ELOVL6: variants seen among roughly 807,000 people sequenced by gnomAD.
ELOVL6 encodes the protein ELOVL fatty acid elongase 6.
ELOVL6 carries 8 observed loss-of-function variants against 31.7 expected under a neutral mutation model. The observed-to-expected ratio is 0.25, with a 90% CI of 0.15 to 0.45. The LOEUF (loss-of-function observed/expected upper bound fraction) is 0.45. Among genes scored for constraint, ELOVL6 ranks in the 20% least tolerant of loss-of-function variants. ELOVL6 has a pLI of 1.00. For synonymous variants in ELOVL6, 101 were observed against 117.7 expected, an observed-to-expected ratio of 0.86 and a Z score of 0.92; for missense variants, 126 against 326.4, an observed-to-expected ratio of 0.39 and a Z score of 4.73.
chr4:110,197,606 C>T (rs1759847105), intron 1 of ELOVL6, among the ~76,000 whole-genome samples: 1 of 152,130 alleles, frequency 6.6e-6, no homozygotes, highest in Admixed American at 6.5e-5. Flanking sequence ...TTGTCCCCTC[C>T]TCCCTCCCAC....
At position 110,193,518 on chromosome 4, in the gene ELOVL6, T is replaced by A. The variant is rs537875823; in HGVS notation, c.89+4729A>T. Among the ~76,000 whole-genome samples, 9 of 152,132 alleles carry A rather than the reference T, an allele frequency of 5.9e-5. No individual in the cohort carries two copies. In the South Asian group the frequency reaches 1.9e-3, roughly 32 times the overall value. ...TGCTTGGGAGGTTGAGACATAAGAA[T>A]CACTGGAACCCGGAGGCAGAGGTTG... On this transcript the variant is annotated intron_variant, in intron 1 of 3. Transcript: ENST00000302274.
rs1754829336 is a variant in ELOVL6 at position 110,051,251 on chromosome 4, C to T, written c.*87G>A. ...CTCATGTTTTGTTTTGTTTTAGCTG[C>T]ACCACGTGTGATTCCTTGTGCCATT... On this transcript the variant is annotated 3_prime_UTR_variant, in exon 4 of 4. Coordinates refer to ENST00000302274, the MANE Select transcript of ELOVL6 (RefSeq NM_024090.3). This position sits in a 1 kb window ranked among gnomAD's most constrained non-coding sequence, Gnocchi z 4.8. 2 of 1,378,252 alleles carry T rather than the reference C, an allele frequency of 1.5e-6. No homozygotes were observed. The highest frequency in any genetic ancestry group is 2.7e-5 in the South Asian group (2 of 73,126). 85.4% of individuals were successfully genotyped at this position (1,378,252 alleles called of 1,614,324 possible).
intron 1 of ELOVL6, among the ~76,000 whole-genome samples, chr4:110,176,456 A>G (rs970716422): frequency 2.0e-5 from 3 of 152,002 alleles, no homozygotes; most frequent in Non-Finnish European, 4.4e-5. Flanking sequence ...CACTGCGCCT[A>G]GCCTCAAAGT....
intron 1 of ELOVL6, among the ~76,000 whole-genome samples, chr4:110,120,353 T>TA (rs34176994): frequency 0.65 from 93,712 of 144,626 alleles, 29,824 homozygotes; most frequent in East Asian, 0.76. Flanking sequence ...AATAAAAAAG[T>TA]AAAAAAAAAA....
intron 1 of ELOVL6, among the ~76,000 whole-genome samples, chr4:110,165,706 A>T (rs1218275500): frequency 6.6e-6 from 1 of 152,208 alleles, no homozygotes. Context: ...AGCTTCCTCA[A>T]CTATAAAATA....
intron 1 of ELOVL6, among the ~76,000 whole-genome samples, chr4:110,164,597 C>T (rs182619103): frequency 6.4e-4 from 97 of 151,654 alleles, no homozygotes; most frequent in African/African-American, 2.3e-3. Flanking sequence ...AAAATTAGCC[C>T]GGTGTGGTGG....
intron 2 of ELOVL6, among the ~76,000 whole-genome samples, chr4:110,078,592 C>T (rs1050241787): frequency 1.1e-4 from 16 of 152,234 alleles, no homozygotes; most frequent in African/African-American, 3.9e-4. Context: ...GAAGGAAGCA[C>T]TAAACATGGA....
rs189040182 is a variant in ELOVL6, at chr4:110,127,473, C to T, written c.90-21845G>A. On this transcript the variant is annotated intron_variant, in intron 1 of 3. Transcript: ENST00000302274. ...TCACTAAGCTCCTAAAGCTTCTCCT[C>T]TATGGGAGAGCCTAAGAAAAACATT... 6.0e-5 allele frequency among the ~76,000 whole-genome samples: 9 copies of T among 150,540 alleles called. No individual in the cohort carries two copies. In the East Asian group the frequency reaches 1.8e-3, roughly 30 times the overall value.
At chr4:110,168,940 T>A (rs937232157) in intron 1 of ELOVL6, among the ~76,000 whole-genome samples, 2 of 151,726 alleles carry the variant, frequency 1.3e-5, no homozygotes, top group Admixed American at 6.6e-5. Context: ...AATATCCTTA[T>A]TAAACGTCCA....
At chr4:110,181,186 C>T (rs531710759) in intron 1 of ELOVL6, among the ~76,000 whole-genome samples, 187 of 152,156 alleles carry the variant, frequency 1.2e-3, no homozygotes, top group African/African-American at 4.0e-3. Context: ...GTGGCTCACG[C>T]CTGTAATCCC....
At chr4:110,175,301 T>C (rs1759070320) in intron 1 of ELOVL6, among the ~76,000 whole-genome samples, 1 of 151,992 alleles carries the variant, frequency 6.6e-6, no homozygotes, top group African/African-American at 2.4e-5. Flanking sequence ...GAAAATCGCT[T>C]GACCCCAGAG....
chr4:110,051,582 G>A lies in ELOVL6; in HGVS notation c.554C>T (p.Ala185Val), dbSNP rs2126218717. 6.2e-7 allele frequency: 1 copy of A among 1,614,172 alleles called. No individual in the cohort carries two copies. The highest frequency in any genetic ancestry group is 8.5e-7 in the Non-Finnish European group (1 of 1,180,022). ...AVMYSYYALR[A>V]AGFRVSRKFA... ...CTTCCGGGAGACTCGGAAACCTGCC[G>A]CCCGCAAGGCATAGTAAGAGTACAT... is the stretch of plus-strand genomic sequence containing the variant. Residue 185 changes from alanine to valine, a missense_variant, in exon 4 of 4, where the codon GCG becomes GTG. Coordinates refer to ENST00000302274, the MANE Select transcript of ELOVL6 (RefSeq NM_024090.3). This position sits in a 1 kb window ranked among gnomAD's most constrained non-coding sequence, Gnocchi z 4.8.
At chr4:110,139,826 A>C (rs971195702) in intron 1 of ELOVL6, among the ~76,000 whole-genome samples, 2 of 152,104 alleles carry the variant, frequency 1.3e-5, no homozygotes, top group Non-Finnish European at 2.9e-5. Context: ...AGAATCTCAA[A>C]TTTTCCCACT....
chr4:110,165,889 A>C (rs1174310145), intron 1 of ELOVL6, among the ~76,000 whole-genome samples: 3 of 152,184 alleles, frequency 2.0e-5, no homozygotes, highest in Admixed American at 1.3e-4. Flanking sequence ...AGAGTTTAGC[A>C]CATCTGGGAA....
At chr4:110,185,374 C>T (rs1256695329) in intron 1 of ELOVL6, among the ~76,000 whole-genome samples, 3 of 152,106 alleles carry the variant, frequency 2.0e-5, no homozygotes, top group African/African-American at 7.2e-5. Context: ...GAGTTGCAGC[C>T]GTTTTAGCAG....
chr4:110,178,422 G>C (rs1352948093), intron 1 of ELOVL6, among the ~76,000 whole-genome samples: 1 of 152,006 alleles, frequency 6.6e-6, no homozygotes, highest in Non-Finnish European at 1.5e-5. Flanking sequence ...CACGCCTATA[G>C]TCACTACTAC....
At position 110,117,926 on chromosome 4, in the gene ELOVL6, C is replaced by CTATCTATCTA. The variant is rs1321224817; in HGVS notation, c.90-12299_90-12298insTAGATAGATA. On this transcript the variant is annotated intron_variant, in intron 1 of 3. Transcript: ENST00000302274. ...AAAATATATATATATATATATATAT[C>CTATCTATCTA]TCCCCAGAGAGGAGAAAAAGGAATA... 1.1e-3 allele frequency: 17 copies of CTATCTATCTA among 15,108 alleles called. 1 individual carries two copies. The highest frequency in any genetic ancestry group is 3.8e-3 in the South Asian group (1 of 266). 0.9% of individuals were successfully genotyped at this position (15,108 alleles called of 1,614,324 possible). A position where few individuals can be genotyped will look rare whatever the true frequency, so the allele number is the denominator to read the frequency against.
At chr4:110,194,214 C>T (rs1161834354) in intron 1 of ELOVL6, among the ~76,000 whole-genome samples, 1 of 152,198 alleles carries the variant, frequency 6.6e-6, no homozygotes, top group Non-Finnish European at 1.5e-5. Context: ...AAAGGCCAGA[C>T]ATCTCATAAA....
chr4:110,111,705 G>C (rs992116065), intron 1 of ELOVL6, among the ~76,000 whole-genome samples: 3 of 152,180 alleles, frequency 2.0e-5, no homozygotes, highest in Non-Finnish European at 2.9e-5. Context: ...AGATTTAAGA[G>C]TGGACCCTGA....
Sources: allele counts gnomAD v4.1 joint callset (sites outside exome capture counted in the v4.1 genomes callset), GRCh38; gene constraint gnomAD v4.1.1; non-coding constraint Gnocchi (gnomAD v3.1); transcripts MANE v1.5; gene names NCBI Gene and HGNC (gene_info 2026-07-23, HGNC 2026-07-21).